Variants in SLC39A14 observed in about 807,000 individuals in gnomAD.
The protein encoded by SLC39A14 is solute carrier family 39 member 14.
SLC39A14 carries 19 observed loss-of-function variants against 45.5 expected under a neutral mutation model. That is an observed-to-expected ratio of 0.42 (90% CI 0.29 to 0.61). The LOEUF (loss-of-function observed/expected upper bound fraction) is 0.61, where lower values mean the gene tolerates loss of function less well. Ranked by LOEUF, SLC39A14 falls within the 20% of genes least tolerant of loss-of-function variation. The pLI is 0.22. For missense variants in SLC39A14, 447 were observed against 616.5 expected, an observed-to-expected ratio of 0.73 and a Z score of 2.91; for synonymous variants, 264 against 251.3, an observed-to-expected ratio of 1.05 and a Z score of -0.48.
At chr8:22,425,899 TG>T (rs68056910), downstream of SLC39A14, among the ~76,000 whole-genome samples, 25,441 of 133,712 alleles carry the variant, frequency 0.19, 3,304 homozygotes, top group East Asian at 0.41. Context: ...GTTTTTTTTT[TG>T]TTTTTTTTTG....
At chr8:22,378,510 G>A (rs1028704386) in intron 1 of SLC39A14, among the ~76,000 whole-genome samples, 9 of 152,156 alleles carry the variant, frequency 5.9e-5, no homozygotes, top group African/African-American at 1.9e-4. Context: ...CCAGGCAGGG[G>A]CCACTCTCAG....
At chr8:22,389,309 G>C (rs1378494611) in intron 1 of SLC39A14, among the ~76,000 whole-genome samples, 1 of 152,186 alleles carries the variant, frequency 6.6e-6, no homozygotes, top group Non-Finnish European at 1.5e-5. Flanking sequence ...ACCGCACTTT[G>C]AGAACCCCTT....
chr8:22,419,819 C>T lies in SLC39A14; in HGVS notation c.*121C>T. 2.8e-6 allele frequency: 4 copies of T among 1,417,410 alleles called. No homozygotes were observed. The highest frequency in any genetic ancestry group is 2.8e-6 in the Non-Finnish European group (3 of 1,088,618). The allele number at this position is 1,417,410 out of a possible 1,614,324, so 87.8% of individuals were successfully genotyped here. A position where few individuals can be genotyped will look rare whatever the true frequency, so the allele number is the denominator to read the frequency against. ...CCGTTCTATGAAAAACTGACACAGA[C>T]TGTATTCCTGCATTCAAATGTCAGC... On this transcript the variant is annotated 3_prime_UTR_variant, in exon 9 of 9. Coordinates refer to ENST00000381237, the MANE Select transcript of SLC39A14 (RefSeq NM_001128431.4).
chr8:22,433,282 A>T (rs1404681968), intron 8 of SLC39A14, among the ~76,000 whole-genome samples: 3 of 152,184 alleles, frequency 2.0e-5, no homozygotes, highest in Non-Finnish European at 2.9e-5. Flanking sequence ...TCCTTAACAC[A>T]GTGCCTGGCA....
chr8:22,401,124 A>G (rs1834827889), intron 1 of SLC39A14, among the ~76,000 whole-genome samples: 1 of 152,232 alleles, frequency 6.6e-6, no homozygotes, highest in Non-Finnish European at 1.5e-5. Context: ...TTTGTCTGAC[A>G]CTGAAGGCCA....
intron 3 of SLC39A14, chr8:22,409,923 C>T (rs748086954): frequency 1.2e-5 from 20 of 1,613,068 alleles, no homozygotes; most frequent in African/African-American, 1.2e-4. Flanking sequence ...TAGAGGCCCT[C>T]GTCTGTTCTT....
At chr8:22,406,663 G>C (rs1413655873) in intron 2 of SLC39A14, among the ~76,000 whole-genome samples, 5 of 152,196 alleles carry the variant, frequency 3.3e-5, no homozygotes, top group Non-Finnish European at 7.3e-5. Context: ...CTGCATTCCA[G>C]CCTGGCGACA....
At chr8:22,369,467 CTG>C (rs953787619) in intron 1 of SLC39A14, among the ~76,000 whole-genome samples, 1 of 152,228 alleles carries the variant, frequency 6.6e-6, no homozygotes, top group Non-Finnish European at 1.5e-5. Context: ...ATTGCCTGGT[CTG>C]TGCTGGGCTC....
intron 1 of SLC39A14, among the ~76,000 whole-genome samples, chr8:22,377,699 T>C (rs1313016825): frequency 6.6e-6 from 1 of 152,226 alleles, no homozygotes; most frequent in Non-Finnish European, 1.5e-5. Context: ...CTGGTTTTGC[T>C]CCTATTATCG....
intron 1 of SLC39A14, among the ~76,000 whole-genome samples, chr8:22,396,593 A>G (rs1245412178): frequency 1.1e-5 from 1 of 94,778 alleles, no homozygotes; most frequent in African/African-American, 3.8e-5. Flanking sequence ...AGAGAGAGAG[A>G]GAGAGAAGAC....
At chr8:22,414,927 A>G (rs776250662) in intron 5 of SLC39A14, 25 bp downstream of exon 5, 2 of 1,609,638 alleles carry the variant, frequency 1.2e-6, no homozygotes, top group South Asian at 2.2e-5. Context: ...TTGCTGAAGA[A>G]AGCTCTTCTA....
downstream of SLC39A14, among the ~76,000 whole-genome samples, chr8:22,426,839 A>G (rs1212350021): frequency 2.0e-5 from 3 of 152,012 alleles, no homozygotes; most frequent in Admixed American, 2.0e-4. Flanking sequence ...ATGTGCCGCC[A>G]TGCACAGCTA....
chr8:22,431,162 T>G (rs1305373227), intron 8 of SLC39A14, among the ~76,000 whole-genome samples: 1 of 152,018 alleles, frequency 6.6e-6, no homozygotes, highest in Admixed American at 6.6e-5. Context: ...TAATTTTTTG[T>G]ATTTTTAGTA....
chr8:22,408,869 G>A (rs893287704), intron 3 of SLC39A14, among the ~76,000 whole-genome samples: 1 of 149,854 alleles, frequency 6.7e-6, no homozygotes, highest in African/African-American at 2.5e-5. Context: ...CTCCGAGGCT[G>A]GAGTCCAGTG....
At position 22,422,044 on chromosome 8, in the gene SLC39A14, C is replaced by T; in HGVS notation, c.*2346C>T. The T allele has an allele frequency of 1.0e-6, 1 of 985,376 alleles. No homozygotes were observed. Among genetic ancestry groups the T allele is most frequent in the East Asian group, 1.1e-4 (1 of 8,816 alleles). 61.0% of individuals were successfully genotyped at this position (985,376 alleles called of 1,614,324 possible). A position where few individuals can be genotyped will look rare whatever the true frequency, so the allele number is the denominator to read the frequency against. On this transcript the variant is annotated 3_prime_UTR_variant, in exon 9 of 9. Transcript: ENST00000381237. ...GCCACTGATTGTGGCAACAGCTTTG[C>T]CTCATGAGTCAAAAATTGGCAATTT...
intron 1 of SLC39A14, among the ~76,000 whole-genome samples, chr8:22,380,369 G>C (rs553153701): frequency 6.6e-6 from 1 of 152,262 alleles, no homozygotes; most frequent in South Asian, 2.1e-4. Context: ...TACTTAGAAG[G>C]GACAGCAGTG....
At chr8:22,409,539 C>G (rs142433567) in intron 3 of SLC39A14, among the ~76,000 whole-genome samples, 2 of 152,104 alleles carry the variant, frequency 1.3e-5, no homozygotes, top group Admixed American at 6.5e-5. Flanking sequence ...CGCGCCACCA[C>G]GCCCAGCTAA....
rs538156735 is a variant in SLC39A14 at position 22,405,889 on chromosome 8, A to G, written c.270+909A>G. 2.5e-4 allele frequency among the ~76,000 whole-genome samples: 38 copies of G among 152,350 alleles called. No individual in the cohort carries two copies. In the South Asian group the frequency reaches 7.7e-3, roughly 31 times the overall value. ...AAGTCAGCCAGCAAAATCTTTATAT[A>G]TCGACTTTGTTCCCTGTGCTGGTGT... On this transcript the variant is annotated intron_variant, in intron 2 of 8. Coordinates refer to ENST00000381237, the MANE Select transcript of SLC39A14 (RefSeq NM_001128431.4).
At chr8:22,392,225 A>G (rs2132245600) in intron 1 of SLC39A14, among the ~76,000 whole-genome samples, 1 of 152,254 alleles carries the variant, frequency 6.6e-6, no homozygotes, top group South Asian at 2.1e-4. Context: ...CTGAGAACCC[A>G]GAAGATGGGG....
Sources: allele counts gnomAD v4.1 joint callset (sites outside exome capture counted in the v4.1 genomes callset), GRCh38; gene constraint gnomAD v4.1.1; transcripts MANE v1.5; gene names NCBI Gene and HGNC (gene_info 2026-07-23, HGNC 2026-07-21).